The following TRPC3 variants were observed in gnomAD, a reference collection of about 807,000 sequenced individuals.
TRPC3 encodes the protein transient receptor potential cation channel subfamily C member 3, also known as short transient receptor potential channel 3.
Under a neutral mutation model 90.9 loss-of-function variants are expected in TRPC3, and 54 were observed. The ratio of observed to expected loss-of-function variants is 0.59; its 90% confidence interval spans 0.48 to 0.75. The LOEUF (loss-of-function observed/expected upper bound fraction) is 0.75. TRPC3 is among the 30% of genes least tolerant of loss of function. The pLI, the probability that TRPC3 is intolerant of heterozygous loss-of-function variation, is 0.00. For missense variants in TRPC3, 918 were observed against 1,194.5 expected (o/e 0.77, Z 3.41); for synonymous variants, 424 against 450.9 (o/e 0.94, Z 0.75).
intron 1 of TRPC3, among the ~76,000 whole-genome samples, chr4:121,937,305 C>T (rs1183382749): frequency 6.6e-6 from 1 of 152,228 alleles, no homozygotes; most frequent in Non-Finnish European, 1.5e-5. Flanking sequence ...ATGGAGCATC[C>T]TGGATCAAGG....
At chr4:121,895,716 A>C (rs555962318) in intron 10 of TRPC3, among the ~76,000 whole-genome samples, 2 of 152,254 alleles carry the variant, frequency 1.3e-5, no homozygotes, top group East Asian at 3.9e-4. Context: ...AAAAAAATAA[A>C]ATAAAGTCCA....
At chr4:121,891,960 C>T (rs1452053370) in intron 10 of TRPC3, among the ~76,000 whole-genome samples, 1 of 151,996 alleles carries the variant, frequency 6.6e-6, no homozygotes, top group Non-Finnish European at 1.5e-5. Flanking sequence ...TCCTTTTTTC[C>T]CCTCCTGTTT....
chr4:121,912,118 T>G, intron 4 of TRPC3, 25 bp from the exon 5 acceptor site: 1 of 1,605,050 alleles, frequency 6.2e-7, no homozygotes, highest in Non-Finnish European at 8.5e-7. Context: ...AGAGGAAAAG[T>G]TTGCTTCAGA....
chr4:121,903,255 A>G (rs904188478), intron 8 of TRPC3, among the ~76,000 whole-genome samples, 194 bp from the exon 9 acceptor site: 5 of 152,116 alleles, frequency 3.3e-5, no homozygotes, highest in African/African-American at 1.2e-4. Flanking sequence ...TCTTTTTCAT[A>G]TGCCTCTACC....
chr4:121,943,206 T>G (rs1435292890), intron 1 of TRPC3, among the ~76,000 whole-genome samples: 1 of 152,008 alleles, frequency 6.6e-6, no homozygotes, highest in African/African-American at 2.4e-5. Flanking sequence ...GATTACAGAA[T>G]ACCCCTAGTC....
rs541096022 is a variant in TRPC3, at chr4:121,876,253, G to A, written c.*3483C>T. On this transcript the variant is annotated 3_prime_UTR_variant, in exon 12 of 12. Transcript: ENST00000379645. ...GCTTGAGGCCAAAAGTTAAAGACTA[G>A]CCTGGACAACATAGTGAGACCCGCC... Among the ~76,000 whole-genome samples, 17 of 151,910 alleles carry A rather than the reference G, an allele frequency of 1.1e-4. No homozygotes were observed. In the South Asian group the frequency reaches 2.9e-3, roughly 26 times the overall value.
chr4:121,891,887 T>C (rs1728341006), intron 10 of TRPC3, among the ~76,000 whole-genome samples: 1 of 152,234 alleles, frequency 6.6e-6, no homozygotes, highest in Non-Finnish European at 1.5e-5. Context: ...AAATGCCAAC[T>C]ACTCCTTTGA....
chr4:121,938,019 TA>T (rs539296935), intron 1 of TRPC3, among the ~76,000 whole-genome samples: 9,525 of 141,760 alleles, frequency 0.067, 969 homozygotes, highest in African/African-American at 0.23. Flanking sequence ...TGAATTTATT[TA>T]AAAAAAAAAA....
chr4:121,896,944 C>T (rs756713294), intron 10 of TRPC3, among the ~76,000 whole-genome samples: 1 of 152,106 alleles, frequency 6.6e-6, no homozygotes, highest in Non-Finnish European at 1.5e-5. Context: ...TAAAAAGACA[C>T]ATAAACCTAT....
At chr4:121,900,281 G>A (rs1409558387) in intron 9 of TRPC3, among the ~76,000 whole-genome samples, 1 of 152,138 alleles carries the variant, frequency 6.6e-6, no homozygotes, top group Non-Finnish European at 1.5e-5. Context: ...TTTTGAGTGG[G>A]TAGGAACAGG....
Position 121,910,172 on chromosome 4 carries a change from T to A in TRPC3, c.1774A>T (p.Ile592Leu). Residue 592 changes from isoleucine to leucine, a missense_variant, in exon 6 of 12, where the codon ATA becomes TTA. Around this residue, in one of 4 missense-constraint regions of TRPC3, gnomAD observed 147 missense variants for 263.5 expected, o/e 0.56. Coordinates refer to ENST00000379645, the MANE Select transcript of TRPC3 (RefSeq NM_001130698.2). ...AACTTACCATAAGTGAAATACTGTA[T>A]CTCTGGTGGGAGTGTCACTTCACTG... ...DLSEVTLPPE[I>L]QYFTYARDKW... 1 of 1,613,416 alleles carries A rather than the reference T, an allele frequency of 6.2e-7. No homozygotes were observed. Among genetic ancestry groups the A allele is most frequent in the Non-Finnish European group, 8.5e-7 (1 of 1,179,534 alleles).
chr4:121,874,784 G>A lies in TRPC3; in HGVS notation c.*4952C>T, dbSNP rs1440263095. Among the ~76,000 whole-genome samples, 3 of 152,090 alleles carry A rather than the reference G, an allele frequency of 2.0e-5. No individual in the cohort carries two copies. Among genetic ancestry groups the A allele is most frequent in the Non-Finnish European group, 4.4e-5 (3 of 68,018 alleles). On this transcript the variant is annotated 3_prime_UTR_variant, in exon 12 of 12. Transcript: ENST00000379645. ...AGGACTTTAACATGAGTTTTGAGGGGACACAATTCAGCCCATAACAGAAGG... is the reference window on the plus strand; with the variant it reads ...AGGACTTTAACATGAGTTTTGAGGGAACACAATTCAGCCCATAACAGAAGG...
chr4:121,934,691 C>T (rs769545651), intron 1 of TRPC3, among the ~76,000 whole-genome samples: 12 of 152,124 alleles, frequency 7.9e-5, no homozygotes, highest in Admixed American at 7.9e-4. Context: ...GGGTGGATGA[C>T]TAAATTGGGA....
At chr4:121,897,453 C>CAAAAAAAAAA (rs70950860) in intron 10 of TRPC3, among the ~76,000 whole-genome samples, 8 of 43,434 alleles carry the variant, frequency 1.8e-4, no homozygotes, top group Admixed American at 3.6e-4. Context: ...ATCTCAACAG[C>CAAAAAAAAAA]AAAAAAAAAA....
intron 1 of TRPC3, among the ~76,000 whole-genome samples, chr4:121,940,155 G>A (rs138005753): frequency 1.4e-4 from 21 of 152,218 alleles, no homozygotes; most frequent in Admixed American, 2.0e-4. Flanking sequence ...CTTCCACACC[G>A]GCTCAAGACG....
At chr4:121,940,115 T>C (rs962529770) in intron 1 of TRPC3, among the ~76,000 whole-genome samples, 4 of 152,050 alleles carry the variant, frequency 2.6e-5, no homozygotes, top group African/African-American at 9.7e-5. Flanking sequence ...TTTAGAAGAT[T>C]GGGGGACAAG....
chr4:121,943,703 T>G (rs1040802821), intron 1 of TRPC3, among the ~76,000 whole-genome samples: 1 of 152,092 alleles, frequency 6.6e-6, no homozygotes, highest in African/African-American at 2.4e-5. Context: ...CATATTTAAA[T>G]ACATTAGTCA....
chr4:121,901,881 C>T (rs1309004041), intron 9 of TRPC3, among the ~76,000 whole-genome samples: 2 of 152,268 alleles, frequency 1.3e-5, no homozygotes, highest in African/African-American at 4.8e-5. Flanking sequence ...CAACCAATCG[C>T]TGACTTGTAA....
chr4:121,904,402 C>T lies in TRPC3; in HGVS notation c.2173G>A (p.Gly725Arg). Residue 725 changes from glycine to arginine, a missense_variant, in exon 8 of 12, where the codon GGA (glycine) becomes AGA (arginine). Transcript: ENST00000379645. The part of the protein sequence containing the change: ...FIENIGYVLY[G>R]IYNVTMVVVL... ...ACCACCATAGTTACATTGTATATTC[C>T]ATAAAGAACGTATCCAATATTTTCT... 6.2e-7 allele frequency: 1 copy of T among 1,606,626 alleles called. No homozygotes were observed. Among genetic ancestry groups the T allele is most frequent in the Non-Finnish European group, 8.5e-7 (1 of 1,177,886 alleles).
Sources: gnomAD v4.1 joint callset for allele counts (sites outside exome capture counted in the v4.1 genomes callset) on GRCh38, gnomAD v4.1.1 for gene constraint, gnomAD v4.1.1 regional missense constraint, MANE v1.5 for transcripts, NCBI Gene and HGNC (gene_info 2026-07-23, HGNC 2026-07-21) for gene names.